The following TMEM132D variants were observed in gnomAD, a reference collection of about 807,000 sequenced individuals.
TMEM132D encodes the protein mature OL transmembrane protein.
Under a neutral mutation model 62.3 loss-of-function variants are expected in TMEM132D, and 21 were observed. The observed-to-expected ratio is 0.34, with a 90% CI of 0.24 to 0.49. The LOEUF is 0.49. Ranked by LOEUF, TMEM132D falls within the 20% of genes least tolerant of loss-of-function variation. TMEM132D has a pLI of 0.99. For missense variants in TMEM132D, 1,346 were observed against 1,402.8 expected, an observed-to-expected ratio of 0.96 and a Z score of 0.65; for synonymous variants, 621 against 575.6, an observed-to-expected ratio of 1.08 and a Z score of -1.13.
At chr12:129,458,813 C>T (rs192887530) in intron 3 of TMEM132D, among the ~76,000 whole-genome samples, 15 of 152,288 alleles carry the variant, frequency 9.8e-5, no homozygotes, top group East Asian at 7.7e-4. Flanking sequence ...ATTTCTGACA[C>T]GGTTTCACCC....
intron 3 of TMEM132D, among the ~76,000 whole-genome samples, chr12:129,437,340 A>G (rs969834268): frequency 8.5e-5 from 13 of 152,110 alleles, no homozygotes; most frequent in Admixed American, 6.6e-4. Flanking sequence ...CCTTCCCCCA[A>G]ACAGCTCCAT....
chr12:129,191,292 G>GACACACACACACAC (rs56128227), intron 5 of TMEM132D, among the ~76,000 whole-genome samples: 42 of 145,226 alleles, frequency 2.9e-4, no homozygotes, highest in South Asian at 1.4e-3. Context: ...AGGGAAATAG[G>GACACACACACACAC]ACACACACAC....
intron 5 of TMEM132D, among the ~76,000 whole-genome samples, chr12:129,186,195 C>A (rs10744402): frequency 0.28 from 42,164 of 152,114 alleles, 6,635 homozygotes; most frequent in East Asian, 0.54. Context: ...AGCCTCTGCA[C>A]GTGTAAAATT....
intron 1 of TMEM132D, among the ~76,000 whole-genome samples, chr12:129,810,928 C>G (rs901337327): frequency 6.6e-6 from 1 of 151,970 alleles, no homozygotes; most frequent in African/African-American, 2.4e-5. Context: ...GATGGTATTG[C>G]GTGTCTAGAA....
At chr12:129,589,202 C>T (rs1296448294) in intron 2 of TMEM132D, among the ~76,000 whole-genome samples, 1 of 152,034 alleles carries the variant, frequency 6.6e-6, no homozygotes, top group Non-Finnish European at 1.5e-5. Context: ...TAGTTTACCC[C>T]ATACTGTTCT....
At chr12:129,268,776 C>T (rs1341707360) in intron 4 of TMEM132D, among the ~76,000 whole-genome samples, 1 of 151,922 alleles carries the variant, frequency 6.6e-6, no homozygotes, top group Admixed American at 6.5e-5. Flanking sequence ...CCCAAATGTC[C>T]AACAATGAGA....
intron 4 of TMEM132D, among the ~76,000 whole-genome samples, chr12:129,273,137 A>C (rs1398974327): frequency 1.3e-5 from 2 of 151,852 alleles, no homozygotes; most frequent in Non-Finnish European, 2.9e-5. Context: ...TGGAGGTTGC[A>C]GTGAGCTGAG....
intron 4 of TMEM132D, among the ~76,000 whole-genome samples, chr12:129,291,098 C>T (rs1006756268): frequency 1.3e-5 from 2 of 152,154 alleles, no homozygotes; most frequent in African/African-American, 4.8e-5. Context: ...ATTTTCGTTG[C>T]AGGTATCTGG....
intron 4 of TMEM132D, 38 bp downstream of exon 4, chr12:129,337,595 CG>C: frequency 6.2e-7 from 1 of 1,610,758 alleles, no homozygotes. Flanking sequence ...TCCCCTCCCC[CG>C]AGTTCAGTTC....
intron 3 of TMEM132D, among the ~76,000 whole-genome samples, chr12:129,524,622 T>A (rs80116919): frequency 0.077 from 11,777 of 152,208 alleles, 680 homozygotes; most frequent in African/African-American, 0.15. Flanking sequence ...GATTGATGGC[T>A]AAGCTTTTAT....
At position 129,867,372 on chromosome 12, in the gene TMEM132D, TCA is replaced by T. The variant is rs1404285133; in HGVS notation, c.79+35887_79+35888del. ...AGGCACAGAAACCACATGATCTCAC[TCA>T]CATGCAGAATCTAAAAAAGCTAAAC... On this transcript the variant is annotated intron_variant, in intron 1 of 8. Coordinates refer to ENST00000422113, the MANE Select transcript of TMEM132D (RefSeq NM_133448.3). The surrounding 1 kb of genome is among the most constrained non-coding windows in gnomAD (Gnocchi z 4.5). 1.3e-5 allele frequency among the ~76,000 whole-genome samples: 2 copies of T among 152,110 alleles called. No individual in the cohort carries two copies. The highest frequency in any genetic ancestry group is 3.8e-4 in the East Asian group (2 of 5,196).
intron 4 of TMEM132D, among the ~76,000 whole-genome samples, chr12:129,316,773 C>T (rs1868500278): frequency 6.6e-6 from 1 of 150,866 alleles, no homozygotes; most frequent in South Asian, 2.1e-4. Flanking sequence ...TATTGTGTTG[C>T]TGTCTATCTC....
intron 3 of TMEM132D, among the ~76,000 whole-genome samples, chr12:129,416,254 C>T (rs1190968253): frequency 6.6e-6 from 1 of 152,142 alleles, no homozygotes; most frequent in Non-Finnish European, 1.5e-5. Flanking sequence ...TGTAGTTCTC[C>T]TTGAAGAGGT....
rs560186725 is a variant in TMEM132D, at chr12:129,651,898, G to A, written c.968+47912C>T. The stretch of plus-strand genomic sequence containing the variant: ...GAATTGCAAAAGACTTCAGTAAATC[G>A]CAGTAAAATACCAATTTTAGGCTTT... On this transcript the variant is annotated intron_variant, in intron 2 of 8. Coordinates refer to ENST00000422113, the MANE Select transcript of TMEM132D (RefSeq NM_133448.3). 1.2e-4 allele frequency among the ~76,000 whole-genome samples: 19 copies of A among 152,246 alleles called. 1 individual carries two copies. In the East Asian group the frequency reaches 3.1e-3, roughly 25 times the overall value.
chr12:129,315,516 C>G (rs952934124), intron 4 of TMEM132D, among the ~76,000 whole-genome samples: 5 of 152,146 alleles, frequency 3.3e-5, no homozygotes, highest in African/African-American at 9.7e-5. Context: ...GGAGGATTAT[C>G]TTTTCGATAT....
intron 3 of TMEM132D, among the ~76,000 whole-genome samples, chr12:129,370,056 A>T (rs147450850): frequency 4.7e-4 from 72 of 152,322 alleles, no homozygotes; most frequent in Middle Eastern, 6.8e-3. Context: ...TCATTCTTGG[A>T]TAGAATATAG....
chr12:129,646,840 C>T (rs1243779560), intron 2 of TMEM132D, among the ~76,000 whole-genome samples: 1 of 149,760 alleles, frequency 6.7e-6, no homozygotes, highest in Non-Finnish European at 1.5e-5. Flanking sequence ...GCTCTTGTCA[C>T]CCAGGCTACA....
chr12:129,580,245 A>G (rs576458416), intron 2 of TMEM132D, among the ~76,000 whole-genome samples: 2 of 152,332 alleles, frequency 1.3e-5, no homozygotes, highest in East Asian at 3.9e-4. Flanking sequence ...GGTCGAAAAT[A>G]AGACACACAG....
intron 3 of TMEM132D, among the ~76,000 whole-genome samples, chr12:129,408,373 A>C (rs1179709255): frequency 1.3e-5 from 2 of 151,602 alleles, no homozygotes; most frequent in Non-Finnish European, 2.9e-5. Context: ...AACTGCTAGC[A>C]TTTGAATGAG....
Sources: gnomAD v4.1 joint callset for allele counts (sites outside exome capture counted in the v4.1 genomes callset) on GRCh38, gnomAD v4.1.1 for gene constraint, Gnocchi (gnomAD v3.1) non-coding constraint, MANE v1.5 for transcripts, NCBI Gene and HGNC (gene_info 2026-07-23, HGNC 2026-07-21) for gene names.